Variants in IFNA16 observed in about 807,000 individuals in gnomAD.
The protein encoded by IFNA16 is interferon alpha 16, also known as interferon alpha-16.
For missense variants in IFNA16, 332 were observed against 213.5 expected (o/e 1.55, Z -3.46); for synonymous variants, 122 against 83.3 (o/e 1.46, Z -2.53).
Position 21,216,516 on chromosome 9 carries a change from T to G in IFNA16, c.*220A>C, listed in dbSNP as rs145250119. The G allele has an allele frequency of 4.4e-3, 1,451 of 328,936 alleles. 25 individuals are homozygous for G. The highest frequency in any genetic ancestry group is 0.025 in the African/African-American group (1,180 of 46,526). The allele number at this position is 328,936 out of a possible 1,614,324, so 20.4% of individuals were successfully genotyped here. ...CCTTAAAAATAGTTAAATAAATAAA[T>G]ATTTAAATAAATAGATGAATAGAGA... is the stretch of plus-strand genomic sequence containing the variant. On this transcript the variant is annotated 3_prime_UTR_variant, in exon 1 of 1. Coordinates refer to ENST00000380216, the MANE Select transcript of IFNA16 (RefSeq NM_002173.3).
Position 21,217,153 on chromosome 9 carries a change from G to A in IFNA16, c.153C>T (p.Ser51=). The part of the protein sequence containing the change: ...LAQMGRISHF[S]CLKDRYDFGF... ...CGAAATCATATCTGTCCTTCAGGCA[G>A]GAGAAATGAGAGATTCTTCCCATTT... Residue 51 remains serine (S), a synonymous_variant, in exon 1 of 1, where the codon TCC becomes TCT. Transcript: ENST00000380216. 2 of 1,614,072 alleles carry A rather than the reference G, an allele frequency of 1.2e-6. No homozygotes were observed. The highest frequency in any genetic ancestry group is 2.7e-5 in the African/African-American group (2 of 75,038).
rs768418634 is a variant in IFNA16 at position 21,216,943 on chromosome 9, G to T, written c.363C>A (p.Ala121=). ...ELFQQLNDLE[A]CVTQEVGVEE... ...CCACCCCAACCTCCTGTGTCACACA[G>T]GCTTCTAGGTCATTCAGTTGCTGGA... The change falls in exon 1 of 1, where the codon GCC becomes GCA. Residue 121 remains alanine, a synonymous_variant. Transcript: ENST00000380216. 6 of 1,613,758 alleles carry T rather than the reference G, an allele frequency of 3.7e-6. No individual in the cohort carries two copies. Among genetic ancestry groups the T allele is most frequent in the Non-Finnish European group, 4.2e-6 (5 of 1,179,934 alleles).
chr9:21,216,974 T>C lies in IFNA16; in HGVS notation c.332A>G (p.Glu111Gly). Residue 111 changes from glutamate to glycine, a missense_variant, in exon 1 of 1, where the codon GAA becomes GGA. Physicochemically the swap from Glu to Gly is moderately conservative, Grantham distance 98. Coordinates refer to ENST00000380216, the MANE Select transcript of IFNA16 (RefSeq NM_002173.3). ...TAGGTCATTCAGTTGCTGGAAAAGTTCAATGTAGAATTTGTCTAGGAGGGT... is the reference window on the plus strand; with the variant it reads ...TAGGTCATTCAGTTGCTGGAAAAGTCCAATGTAGAATTTGTCTAGGAGGGT... The part of the protein sequence containing the change: ...DETLLDKFYI[E>G]LFQQLNDLEA... 1.2e-6 allele frequency: 2 copies of C among 1,613,884 alleles called. No individual in the cohort carries two copies. The highest frequency in any genetic ancestry group is 1.7e-6 in the Non-Finnish European group (2 of 1,179,938).
chr9:21,216,710 G>T lies in IFNA16; in HGVS notation c.*26C>A, dbSNP rs890087993. On this transcript the variant is annotated 3_prime_UTR_variant, in exon 1 of 1. Transcript: ENST00000380216. ...TGTGAGATGATGTATTAATCAATGA[G>T]GATCATTTCCATGTTGAATGAGTTT... is the stretch of plus-strand genomic sequence containing the variant. 6.2e-7 allele frequency: 1 copy of T among 1,608,028 alleles called. No individual in the cohort carries two copies. The highest frequency in any genetic ancestry group is 1.3e-5 in the African/African-American group (1 of 74,398).
At position 21,217,057 on chromosome 9, in the gene IFNA16, CATCTCATGG is replaced by C. The variant is rs1288566340; in HGVS notation, c.240_248del (p.Phe80_Met83delinsLeu). 1 of 1,613,764 alleles carries C rather than the reference CATCTCATGG, an allele frequency of 6.2e-7. No homozygotes were observed. Among genetic ancestry groups the C allele is most frequent in the African/African-American group, 1.3e-5 (1 of 74,884 alleles). ...TGAAGAGATTGAAGGTCTGCTGGAT[CATCTCATGG>C]AAGGCAGAGATGGCTTGAGCCTTCT... is the stretch of plus-strand genomic sequence containing the variant. On this transcript the variant is annotated inframe_deletion, in exon 1 of 1. Coordinates refer to ENST00000380216, the MANE Select transcript of IFNA16 (RefSeq NM_002173.3).
chr9:21,216,904 C>T lies in IFNA16; in HGVS notation c.402G>A (p.Leu134=), dbSNP rs779518867. The change falls in exon 1 of 1, where the codon CTG becomes CTA. Residue 134 remains leucine (L), a synonymous_variant. Transcript: ENST00000380216. ...TQEVGVEEIA[L]MNEDSILAVR... ...CAGCCAGGATGGAGTCCTCATTCAT[C>T]AGGGCAATCTCTTCCACCCCAACCT... is the stretch of plus-strand genomic sequence containing the variant. 4 of 1,613,808 alleles carry T rather than the reference C, an allele frequency of 2.5e-6. No individual in the cohort carries two copies. The highest frequency in any genetic ancestry group is 2.7e-5 in the African/African-American group (2 of 74,886).
In IFNA16 at chr9:21,216,918, C is replaced by T. The variant is rs1818465872; in HGVS notation, c.388G>A (p.Glu130Lys). The change falls in exon 1 of 1, where the codon GAA (glutamate) becomes AAA (lysine). Residue 130 changes from glutamate (E) to lysine (K), a missense_variant. Physicochemically the swap from Glu to Lys is moderately conservative, Grantham distance 56 (BLOSUM62 1). Coordinates refer to ENST00000380216, the MANE Select transcript of IFNA16 (RefSeq NM_002173.3). ...TCCTCATTCATCAGGGCAATCTCTTCCACCCCAACCTCCTGTGTCACACAG... is the reference window on the plus strand; with the variant it reads ...TCCTCATTCATCAGGGCAATCTCTTTCACCCCAACCTCCTGTGTCACACAG... ...EACVTQEVGV[E>K]EIALMNEDSI... The T allele has an allele frequency of 1.9e-6, 3 of 1,613,836 alleles. No individual in the cohort carries two copies. The highest frequency in any genetic ancestry group is 1.3e-5 in the African/African-American group (1 of 74,880).
rs1818457488 is a variant in IFNA16, at chr9:21,216,717, T to G, written c.*19A>C. 6.2e-7 allele frequency: 1 copy of G among 1,610,660 alleles called. No individual in the cohort carries two copies. The highest frequency in any genetic ancestry group is 2.2e-5 in the East Asian group (1 of 44,864). On this transcript the variant is annotated 3_prime_UTR_variant, in exon 1 of 1. Coordinates refer to ENST00000380216, the MANE Select transcript of IFNA16 (RefSeq NM_002173.3). ...TGATGTATTAATCAATGAGGATCAT[T>G]TCCATGTTGAATGAGTTTTCAATCC...
chr9:21,216,439 C>T lies in IFNA16; in HGVS notation c.*297G>A, dbSNP rs571578957. 8.8e-5 allele frequency: 15 copies of T among 171,082 alleles called. No homozygotes were observed. Among genetic ancestry groups the T allele is most frequent in the Non-Finnish European group, 1.6e-4 (13 of 81,256 alleles). The allele number at this position is 171,082 out of a possible 1,614,324, so 10.6% of individuals were successfully genotyped here. On this transcript the variant is annotated 3_prime_UTR_variant, in exon 1 of 1. Transcript: ENST00000380216. ...TAAATATGAAGAACATATATTGTTACATTAAGCAAAATGTAAAGGTACACA... is the reference window on the plus strand; with the variant it reads ...TAAATATGAAGAACATATATTGTTATATTAAGCAAAATGTAAAGGTACACA...
At position 21,216,998 on chromosome 9, in the gene IFNA16, G is replaced by C. The variant is rs528435618; in HGVS notation, c.308C>G (p.Thr103Ser). 1.4e-5 allele frequency: 22 copies of C among 1,613,648 alleles called. No homozygotes were observed. The highest frequency in any genetic ancestry group is 1.7e-5 in the Non-Finnish European group (20 of 1,179,892). ...TTCAATGTAGAATTTGTCTAGGAGGGTCTCATCCCAAGCAGCAGATGAATC... is the reference window on the plus strand; with the variant it reads ...TTCAATGTAGAATTTGTCTAGGAGGCTCTCATCCCAAGCAGCAGATGAATC... ...TKDSSAAWDE[T>S]LLDKFYIELF... is the part of the protein sequence containing the mutation. The change falls in exon 1 of 1, where the codon ACC (threonine) becomes AGC (serine). Residue 103 changes from threonine to serine, a missense_variant. Transcript: ENST00000380216.
rs569687693 is a variant in IFNA16, at chr9:21,217,079, G to A, written c.227C>T (p.Ala76Val). The change falls in exon 1 of 1, where the codon GCC (alanine) becomes GTC (valine). Residue 76 changes from alanine (A) to valine (V), a missense_variant. By Grantham distance (64) the Ala-to-Val change is moderately conservative. Transcript: ENST00000380216. ...FDGNQFQKAQ[A>V]ISAFHEMIQQ... is the part of the protein sequence containing the mutation. ...GATCATCTCATGGAAGGCAGAGATG[G>A]CTTGAGCCTTCTGGAACTGGTTGCC... 7.1e-4 allele frequency: 1,148 copies of A among 1,613,924 alleles called. 18 individuals are homozygous for A. In the South Asian group the frequency reaches 0.012, roughly 17 times the overall value.
chr9:21,217,200 T>C lies in IFNA16; in HGVS notation c.106A>G (p.Arg36Gly). 1 of 1,613,960 alleles carries C rather than the reference T, an allele frequency of 6.2e-7. No individual in the cohort carries two copies. Among genetic ancestry groups the C allele is most frequent in the Non-Finnish European group, 8.5e-7 (1 of 1,179,956 alleles). ...ATTTGTGCCAGGAGTATCAAGGCCC[T>C]CCTATTACCCAGGCTGTGAGTCTGA... ...LPQTHSLGNR[R>G]ALILLAQMGR... Residue 36 changes from arginine to glycine, a missense_variant, in exon 1 of 1, where the codon AGG becomes GGG. Transcript: ENST00000380216.
At position 21,216,630 on chromosome 9, in the gene IFNA16, T is replaced by A. The variant is rs1328100526; in HGVS notation, c.*106A>T. ...TCCTGAAAACATTTGAAAATTTTGATTCAACTTGTGGTGGTTATAGAAGTG... is the reference window on the plus strand; with the variant it reads ...TCCTGAAAACATTTGAAAATTTTGAATCAACTTGTGGTGGTTATAGAAGTG... On this transcript the variant is annotated 3_prime_UTR_variant, in exon 1 of 1. Coordinates refer to ENST00000380216, the MANE Select transcript of IFNA16 (RefSeq NM_002173.3). The A allele has an allele frequency of 1.3e-6, 2 of 1,490,450 alleles. No homozygotes were observed. The highest frequency in any genetic ancestry group is 1.8e-6 in the Non-Finnish European group (2 of 1,108,054). The allele number at this position is 1,490,450 out of a possible 1,614,324, so 92.3% of individuals were successfully genotyped here. A position where few individuals can be genotyped will look rare whatever the true frequency, so the allele number is the denominator to read the frequency against.
Position 21,216,927 on chromosome 9 carries a change from C to T in IFNA16, c.379G>A (p.Val127Ile), listed in dbSNP as rs372545467. The T allele has an allele frequency of 1.9e-6, 3 of 1,614,016 alleles. No individual in the cohort carries two copies. Among genetic ancestry groups the T allele is most frequent in the Admixed American group, 3.3e-5 (2 of 59,982 alleles). ...ATCAGGGCAATCTCTTCCACCCCAA[C>T]CTCCTGTGTCACACAGGCTTCTAGG... Reference protein sequence around the residue: ...NDLEACVTQEVGVEEIALMNE... With the variant: ...NDLEACVTQEIGVEEIALMNE... Residue 127 changes from valine to isoleucine, a missense_variant, in exon 1 of 1, where the codon GTT becomes ATT. Coordinates refer to ENST00000380216, the MANE Select transcript of IFNA16 (RefSeq NM_002173.3).
rs1296599230 is a variant in IFNA16 at position 21,217,174 on chromosome 9, C to T, written c.132G>A (p.Met44Ile). 1.9e-6 allele frequency: 3 copies of T among 1,614,042 alleles called. No individual in the cohort carries two copies. The highest frequency in any genetic ancestry group is 2.5e-6 in the Non-Finnish European group (3 of 1,179,980). ...GGCAGGAGAAATGAGAGATTCTTCCCATTTGTGCCAGGAGTATCAAGGCCC... is the reference window on the plus strand; with the variant it reads ...GGCAGGAGAAATGAGAGATTCTTCCTATTTGTGCCAGGAGTATCAAGGCCC... ...NRRALILLAQ[M>I]GRISHFSCLK... The change falls in exon 1 of 1, where the codon ATG (methionine) becomes ATA (isoleucine). Residue 44 changes from methionine (M) to isoleucine (I), a missense_variant. Transcript: ENST00000380216.
rs373646897 is a variant in IFNA16 at position 21,216,917 on chromosome 9, T to C, written c.389A>G (p.Glu130Gly). ...EACVTQEVGV[E>G]EIALMNEDSI... ...GTCCTCATTCATCAGGGCAATCTCT[T>C]CCACCCCAACCTCCTGTGTCACACA... The change falls in exon 1 of 1, where the codon GAA becomes GGA. Residue 130 changes from glutamate (E) to glycine (G), a missense_variant. Physicochemically the swap from Glu to Gly is moderately conservative, Grantham distance 98. Transcript: ENST00000380216. 1.2e-6 allele frequency: 2 copies of C among 1,613,934 alleles called. No homozygotes were observed. Among genetic ancestry groups the C allele is most frequent in the East Asian group, 4.5e-5 (2 of 44,880 alleles).
In IFNA16 at chr9:21,216,923, C is replaced by T. The variant is rs1334533310; in HGVS notation, c.383G>A (p.Gly128Glu). 5.6e-6 allele frequency: 9 copies of T among 1,613,844 alleles called. No individual in the cohort carries two copies. The highest frequency in any genetic ancestry group is 2.2e-5 in the South Asian group (2 of 91,072). ...DLEACVTQEV[G>E]VEEIALMNED... The stretch of plus-strand genomic sequence containing the variant: ...ATTCATCAGGGCAATCTCTTCCACC[C>T]CAACCTCCTGTGTCACACAGGCTTC... The change falls in exon 1 of 1, where the codon GGG (glycine) becomes GAG (glutamate). Residue 128 changes from glycine (G) to glutamate (E), a missense_variant. By Grantham distance (98) the Gly-to-Glu change is moderately conservative (BLOSUM62 -2). Coordinates refer to ENST00000380216, the MANE Select transcript of IFNA16 (RefSeq NM_002173.3).
In IFNA16 at chr9:21,216,384, A is replaced by C. The variant is rs1237966044; in HGVS notation, c.*352T>G. The C allele has an allele frequency of 6.5e-6, 1 of 154,696 alleles. No individual in the cohort carries two copies. The highest frequency in any genetic ancestry group is 1.4e-5 in the Non-Finnish European group (1 of 70,004). 9.6% of individuals were successfully genotyped at this position (154,696 alleles called of 1,614,324 possible). Reference sequence around the variant, plus strand: ...ACACAAGAAATTTTGTATAGTAAAAATTTAATGAAAAGGAAGTTAATATAT... The same window carrying C: ...ACACAAGAAATTTTGTATAGTAAAACTTTAATGAAAAGGAAGTTAATATAT... On this transcript the variant is annotated 3_prime_UTR_variant, in exon 1 of 1. Coordinates refer to ENST00000380216, the MANE Select transcript of IFNA16 (RefSeq NM_002173.3).
chr9:21,216,896 T>A lies in IFNA16; in HGVS notation c.410A>T (p.Glu137Val). The A allele has an allele frequency of 1.9e-6, 3 of 1,614,028 alleles. No individual in the cohort carries two copies. The highest frequency in any genetic ancestry group is 2.5e-6 in the Non-Finnish European group (3 of 1,179,948). Residue 137 changes from glutamate (E) to valine (V), a missense_variant, in exon 1 of 1, where the codon GAG becomes GTG. Glu to Val is a moderately radical substitution (Grantham distance 121, BLOSUM62 -2). Coordinates refer to ENST00000380216, the MANE Select transcript of IFNA16 (RefSeq NM_002173.3). ...TTTCCTCACAGCCAGGATGGAGTCC[T>A]CATTCATCAGGGCAATCTCTTCCAC... ...VGVEEIALMN[E>V]DSILAVRKYF...
Sources: allele counts gnomAD v4.1 joint callset, GRCh38; gene constraint gnomAD v4.1.1; transcripts MANE v1.5; gene names NCBI Gene and HGNC (gene_info 2026-07-23, HGNC 2026-07-21).